Variants in KCNG3 observed in about 807,000 individuals in gnomAD.
KCNG3 encodes the protein potassium voltage-gated channel modifier subfamily G member 3.
A neutral mutation model predicts 29.0 loss-of-function variants in KCNG3; 15 were observed. That is an observed-to-expected ratio of 0.52 (90% CI 0.35 to 0.80). The LOEUF (loss-of-function observed/expected upper bound fraction) is 0.80, where lower values mean the gene tolerates loss of function less well. Among genes scored for constraint, KCNG3 ranks in the 30% least tolerant of loss-of-function variants. The probability of loss-of-function intolerance (pLI) is 0.01; values close to 1 mark genes in which losing one functional copy is unlikely to be tolerated. For missense variants in KCNG3, 512 were observed against 605.7 expected (o/e 0.85, Z 1.62); for synonymous variants, 322 against 248.9 (o/e 1.29, Z -2.76).
the KCNG3 span, among the ~76,000 whole-genome samples, chr2:42,402,827 A>T: frequency 6.6e-6 from 1 of 152,304 alleles, no homozygotes; most frequent in East Asian, 1.9e-4. Context: ...GATTTCTGGT[A>T]CTAATTCTTC....
At chr2:42,419,809 T>C in the KCNG3 span, among the ~76,000 whole-genome samples, 4 of 152,238 alleles carry the variant, frequency 2.6e-5, no homozygotes, top group East Asian at 1.9e-4. Flanking sequence ...CAACAGGTCA[T>C]GTGCATCAGG....
chr2:42,423,384 G>A, the KCNG3 span, among the ~76,000 whole-genome samples: 1 of 152,120 alleles, frequency 6.6e-6, no homozygotes, highest in Non-Finnish European at 1.5e-5. Context: ...GTGGCTCTCT[G>A]CCTGCAGGGT....
intron 1 of KCNG3, among the ~76,000 whole-genome samples, chr2:42,468,954 CAAAAAAAAAAAAA>C (rs61287684): frequency 8.9e-4 from 51 of 57,114 alleles, no homozygotes; most frequent in African/African-American, 3.1e-3. Flanking sequence ...ACTCCGTCTC[CAAAAAAAAAAAAA>C]AAAAAAAAAA....
the KCNG3 span, among the ~76,000 whole-genome samples, chr2:42,429,288 T>C: frequency 1.3e-5 from 2 of 152,196 alleles, no homozygotes; most frequent in Non-Finnish European, 2.9e-5. Context: ...GATGCTCCTT[T>C]ATTTGAAGAG....
chr2:42,432,589 G>C, the KCNG3 span, among the ~76,000 whole-genome samples: 1 of 152,078 alleles, frequency 6.6e-6, no homozygotes, highest in South Asian at 2.1e-4. Context: ...CATGAGGTCA[G>C]GTAAAAAAGA....
At chr2:42,488,227 C>A (rs1475525849) in intron 1 of KCNG3, among the ~76,000 whole-genome samples, 2 of 152,122 alleles carry the variant, frequency 1.3e-5, no homozygotes, top group East Asian at 3.8e-4. Context: ...ATAAAAAGTT[C>A]TAAAATATTG....
the KCNG3 span, among the ~76,000 whole-genome samples, chr2:42,428,708 C>G: frequency 6.6e-6 from 1 of 152,050 alleles, no homozygotes; most frequent in Non-Finnish European, 1.5e-5. Context: ...TAAATAATAA[C>G]AATAAACATT....
the KCNG3 span, among the ~76,000 whole-genome samples, chr2:42,410,383 T>C: frequency 4.0e-5 from 6 of 151,652 alleles, no homozygotes; most frequent in South Asian, 2.1e-4. Context: ...AATTGTCAAA[T>C]TGAATTCTAG....
At chr2:42,456,642 G>C (rs1672879789) in intron 1 of KCNG3, among the ~76,000 whole-genome samples, 1 of 152,146 alleles carries the variant, frequency 6.6e-6, no homozygotes, top group African/African-American at 2.4e-5. Flanking sequence ...AAAGTAAACA[G>C]TATGCCCAAC....
chr2:42,405,890 G>T, the KCNG3 span, among the ~76,000 whole-genome samples: 2 of 152,038 alleles, frequency 1.3e-5, no homozygotes, highest in Non-Finnish European at 2.9e-5. Flanking sequence ...ACAGGTGTGA[G>T]CCACCGCACC....
At chr2:42,471,472 T>C (rs540403374) in intron 1 of KCNG3, among the ~76,000 whole-genome samples, 2 of 152,198 alleles carry the variant, frequency 1.3e-5, no homozygotes, top group Non-Finnish European at 2.9e-5. Context: ...AGATAGCAGA[T>C]GGTTGTCAGG....
Position 42,443,952 on chromosome 2 carries a change from G to A in KCNG3, c.1293C>T (p.Ser431=), listed in dbSNP as rs760585174. The change falls in exon 2 of 2, where the codon TCC becomes TCT. Residue 431 remains serine (S), a synonymous_variant. Coordinates refer to ENST00000306078, the MANE Select transcript of KCNG3 (RefSeq NM_133329.6). ...FRSARYSRSL[S]TEFLN ...CAATGCATTAATTCAGGAATTCAGTGGAGAGGCTCCTACTATACCTAGCAG... is the reference window on the plus strand; with the variant it reads ...CAATGCATTAATTCAGGAATTCAGTAGAGAGGCTCCTACTATACCTAGCAG... 1.2e-6 allele frequency: 2 copies of A among 1,607,252 alleles called. No homozygotes were observed. Among genetic ancestry groups the A allele is most frequent in the South Asian group, 2.2e-5 (2 of 89,954 alleles).
chr2:42,467,048 C>A (rs139083551), intron 1 of KCNG3, among the ~76,000 whole-genome samples: 1 of 151,808 alleles, frequency 6.6e-6, no homozygotes, highest in Non-Finnish European at 1.5e-5. Flanking sequence ...CCACTGCGCC[C>A]GGCCAAAAAC....
chr2:42,414,553 CTT>C, the KCNG3 span, among the ~76,000 whole-genome samples: 6 of 141,672 alleles, frequency 4.2e-5, no homozygotes, highest in Non-Finnish European at 3.1e-5. Flanking sequence ...ACTTTCTTTT[CTT>C]TTTTTTTTTT....
At chr2:42,429,146 CA>C in the KCNG3 span, among the ~76,000 whole-genome samples, 17,692 of 146,944 alleles carry the variant, frequency 0.12, 1,116 homozygotes, top group South Asian at 0.26. Flanking sequence ...AACAAACAAA[CA>C]AAAAAAAAAC....
Position 42,452,243 on chromosome 2 carries a change from A to ATATATTTTTTTTTT in KCNG3, c.666-7665_666-7664insAAAAAAAAAATATA. On this transcript the variant is annotated intron_variant, in intron 1 of 1. Coordinates refer to ENST00000306078, the MANE Select transcript of KCNG3 (RefSeq NM_133329.6). ...TAAATATATATATATATATATATAT[A>ATATATTTTTTTTTT]TTTTTTTTTTTTTTTTAAAGGAAAC... 6.3e-5 allele frequency among the ~76,000 whole-genome samples: 6 copies of ATATATTTTTTTTTT among 95,050 alleles called. No homozygotes were observed. The East Asian group carries it at 1.8e-3, about 29-fold the overall frequency. The allele number at this position is 95,050 out of a possible 152,430, so 62.4% of individuals were successfully genotyped here. A position where few individuals can be genotyped will look rare whatever the true frequency, so the allele number is the denominator to read the frequency against.
the KCNG3 span, among the ~76,000 whole-genome samples, chr2:42,404,809 A>G: frequency 6.6e-6 from 1 of 152,176 alleles, no homozygotes; most frequent in Non-Finnish European, 1.5e-5. Flanking sequence ...GTTCAAGTAT[A>G]CACGGCAATG....
the KCNG3 span, among the ~76,000 whole-genome samples, chr2:42,420,513 G>A: frequency 3.9e-5 from 6 of 152,212 alleles, no homozygotes; most frequent in South Asian, 4.1e-4. Flanking sequence ...CAGGGGGCCG[G>A]GTGAGATGGC....
chr2:42,408,483 G>C, the KCNG3 span, among the ~76,000 whole-genome samples: 2 of 152,100 alleles, frequency 1.3e-5, no homozygotes, highest in Admixed American at 1.3e-4. Flanking sequence ...CCCACTCCAG[G>C]GCCTCCTCTC....
Sources: gnomAD v4.1 joint callset for allele counts (sites outside exome capture counted in the v4.1 genomes callset) on GRCh38, gnomAD v4.1.1 for gene constraint, MANE v1.5 for transcripts, NCBI Gene and HGNC (gene_info 2026-07-23, HGNC 2026-07-21) for gene names.